CSMD1: variants seen among roughly 807,000 people sequenced by gnomAD.
CSMD1 encodes the protein CUB and Sushi multiple domains 1.
A neutral mutation model predicts 417.5 loss-of-function variants in CSMD1; 213 were observed. The ratio of observed to expected loss-of-function variants is 0.51; its 90% CI spans 0.46 to 0.57. The LOEUF is 0.57. CSMD1 is among the 20% of genes least tolerant of loss of function. The pLI is 0.00. For synonymous variants in CSMD1, 2,862 were observed against 1,736.8 expected, an observed-to-expected ratio of 1.65 and a Z score of -16.11; for missense variants, 6,923 against 4,529.7, an observed-to-expected ratio of 1.53 and a Z score of -15.17.
intron 68 of CSMD1, among the ~76,000 whole-genome samples, chr8:2,945,938 T>C (rs914978126): frequency 2.0e-5 from 3 of 152,182 alleles, no homozygotes; most frequent in African/African-American, 4.8e-5. Flanking sequence ...TTGAAACAAA[T>C]GCACATCCTG....
intron 26 of CSMD1, among the ~76,000 whole-genome samples, chr8:3,235,916 G>GTTTTGTTTTTTT (rs1799123696): frequency 8.4e-6 from 1 of 119,378 alleles, no homozygotes; most frequent in Non-Finnish European, 1.6e-5. Context: ...GAAGATGTAA[G>GTTTTGTTTTTTT]TTTTTTTTTT....
chr8:4,136,432 G>A (rs1187192798), intron 3 of CSMD1, among the ~76,000 whole-genome samples: 2 of 152,112 alleles, frequency 1.3e-5, no homozygotes, highest in African/African-American at 4.8e-5. Context: ...CTGGTTCTCA[G>A]CAAGCATCCC....
chr8:4,623,384 G>C (rs1585346933), intron 2 of CSMD1, among the ~76,000 whole-genome samples: 1 of 152,026 alleles, frequency 6.6e-6, no homozygotes, highest in South Asian at 2.1e-4. Flanking sequence ...CCCTCAGGTG[G>C]GAATTTAAAA....
intron 6 of CSMD1, among the ~76,000 whole-genome samples, chr8:3,727,859 C>T (rs1444896432): frequency 6.6e-6 from 1 of 152,094 alleles, no homozygotes; most frequent in Non-Finnish European, 1.5e-5. Flanking sequence ...ATATGCCTGT[C>T]ACAAAAGGAC....
At position 3,052,767 on chromosome 8, in the gene CSMD1, A is replaced by C. The variant is rs7004774; in HGVS notation, c.7475-120T>G. 21 of 722,756 alleles carry C rather than the reference A, an allele frequency of 2.9e-5. 1 individual carries two copies. The highest frequency in any genetic ancestry group is 3.9e-5 in the Non-Finnish European group (19 of 487,404). 44.8% of individuals were successfully genotyped at this position (722,756 alleles called of 1,614,324 possible). ...ATTTTTCATTAAAATTGTGAATTAT[A>C]TTTCTTTTTTTTTCTTTCTTTTTTT... is the stretch of plus-strand genomic sequence containing the variant. On this transcript the variant is annotated intron_variant, in intron 49 of 69. Coordinates refer to ENST00000635120, the MANE Select transcript of CSMD1 (RefSeq NM_033225.6).
chr8:4,039,092 G>C (rs1295303516), intron 3 of CSMD1, among the ~76,000 whole-genome samples: 3 of 152,160 alleles, frequency 2.0e-5, no homozygotes, highest in Admixed American at 6.6e-5. Flanking sequence ...CATGGGACAA[G>C]GCTATCGAAA....
At chr8:3,615,324 T>G (rs1563201442) in intron 8 of CSMD1, among the ~76,000 whole-genome samples, 1 of 152,164 alleles carries the variant, frequency 6.6e-6, no homozygotes. Flanking sequence ...GAAGTGAGTC[T>G]CCAGTAAAAA....
intron 23 of CSMD1, among the ~76,000 whole-genome samples, chr8:3,314,072 A>T (rs999862386): frequency 6.6e-6 from 1 of 151,766 alleles, no homozygotes; most frequent in Non-Finnish European, 1.5e-5. Flanking sequence ...TTGAACAATG[A>T]GAACACATGG....
intron 3 of CSMD1, among the ~76,000 whole-genome samples, chr8:4,175,589 T>A (rs1034714626): frequency 4.0e-5 from 6 of 151,860 alleles, no homozygotes; most frequent in Non-Finnish European, 8.8e-5. Flanking sequence ...ATTAGGAGAG[T>A]AAATATACAA....
chr8:4,839,532 CT>C (rs1445433866), intron 1 of CSMD1, among the ~76,000 whole-genome samples: 1 of 152,140 alleles, frequency 6.6e-6, no homozygotes, highest in East Asian at 1.9e-4. Flanking sequence ...GGAGCAATTT[CT>C]TTTTCCACAA....
At chr8:4,762,216 C>A (rs187781035) in intron 1 of CSMD1, among the ~76,000 whole-genome samples, 3 of 152,042 alleles carry the variant, frequency 2.0e-5, no homozygotes, top group Non-Finnish European at 4.4e-5. Flanking sequence ...AAAATCATAT[C>A]TGCATGGTAC....
At chr8:4,137,806 C>T in intron 3 of CSMD1, among the ~76,000 whole-genome samples, 1 of 77,358 alleles carries the variant, frequency 1.3e-5, no homozygotes, top group African/African-American at 3.0e-5. Context: ...AATTAATTTT[C>T]CCCTTACATT....
intron 1 of CSMD1, among the ~76,000 whole-genome samples, chr8:4,973,732 G>C (rs1032866311): frequency 6.6e-6 from 1 of 152,120 alleles, no homozygotes; most frequent in Non-Finnish European, 1.5e-5. Context: ...TAGACTTGCT[G>C]ATGTGCATTT....
intron 7 of CSMD1, among the ~76,000 whole-genome samples, chr8:3,681,135 G>C (rs2117606761): frequency 6.6e-6 from 1 of 152,314 alleles, no homozygotes; most frequent in South Asian, 2.1e-4. Flanking sequence ...GCACAAGACA[G>C]GGATGCCCTC....
intron 1 of CSMD1, among the ~76,000 whole-genome samples, chr8:4,908,601 G>T (rs927386368): frequency 1.4e-5 from 2 of 142,480 alleles, no homozygotes; most frequent in African/African-American, 5.0e-5. Flanking sequence ...TTATTCAACA[G>T]CAGTCAAGCT....
chr8:3,288,193 G>C lies in CSMD1; in HGVS notation c.3951-3847C>G, dbSNP rs1178774224. Among the ~76,000 whole-genome samples, 3 of 147,406 alleles carry C rather than the reference G, an allele frequency of 2.0e-5. No homozygotes were observed. The East Asian group carries it at 5.9e-4, about 29-fold the overall frequency. ...GGATAAGCTTTTTGATGTATTGCTG[G>C]ATTTGGTTTGCCAGTATTTTATTGA... On this transcript the variant is annotated intron_variant, in intron 25 of 69. Transcript: ENST00000635120.
At chr8:3,944,084 G>C (rs1046235221) in intron 5 of CSMD1, among the ~76,000 whole-genome samples, 3 of 152,134 alleles carry the variant, frequency 2.0e-5, no homozygotes, top group African/African-American at 4.8e-5. Context: ...AAAATATACA[G>C]TGAGAAAGAA....
intron 3 of CSMD1, among the ~76,000 whole-genome samples, chr8:4,305,130 G>T (rs1454305974): frequency 6.6e-6 from 1 of 152,166 alleles, no homozygotes; most frequent in Non-Finnish European, 1.5e-5. Flanking sequence ...TAATATTGCG[G>T]ATACATGCAT....
intron 2 of CSMD1, among the ~76,000 whole-genome samples, chr8:4,454,344 T>A (rs1347038293): frequency 6.6e-6 from 1 of 152,164 alleles, no homozygotes; most frequent in Non-Finnish European, 1.5e-5. Flanking sequence ...TGCAGCTTCA[T>A]CTTACTTTTC....
Sources: allele counts gnomAD v4.1 joint callset (sites outside exome capture counted in the v4.1 genomes callset), GRCh38; gene constraint gnomAD v4.1.1; transcripts MANE v1.5; gene names NCBI Gene and HGNC (gene_info 2026-07-23, HGNC 2026-07-21).